The following KPNA4 variants were observed in gnomAD, a reference collection of about 807,000 sequenced individuals.
The protein encoded by KPNA4 is karyopherin subunit alpha 4.
In KPNA4, 13 loss-of-function variants were observed where a neutral mutation model predicts 71.3. The ratio of observed to expected loss-of-function variants is 0.18; its 90% CI spans 0.12 to 0.29. The LOEUF (loss-of-function observed/expected upper bound fraction) is 0.29. KPNA4 is among the 10% of genes least tolerant of loss of function. KPNA4 has a pLI of 1.00. For missense variants in KPNA4, 334 were observed against 603.2 expected, an observed-to-expected ratio of 0.55 and a Z score of 4.67; for synonymous variants, 189 against 195.2, an observed-to-expected ratio of 0.97 and a Z score of 0.26.
rs1162877830 is a variant in KPNA4, at chr3:160,498,993, C to G, written c.*3111G>C. 1 of 152,154 alleles carries G rather than the reference C, an allele frequency of 6.6e-6. No homozygotes were observed. Among genetic ancestry groups the G allele is most frequent in the Admixed American group, 6.6e-5 (1 of 15,262 alleles). 9.4% of individuals were successfully genotyped at this position (152,154 alleles called of 1,614,324 possible). The stretch of plus-strand genomic sequence containing the variant: ...CCAAAAAGGGTGCCCCCATAAATTA[C>G]TGTTACAATAAACCCAGTCATTTTA... On this transcript the variant is annotated 3_prime_UTR_variant, in exon 17 of 17. Transcript: ENST00000334256.
At chr3:160,516,938 A>G (rs1210211552) in intron 11 of KPNA4, among the ~76,000 whole-genome samples, 2 of 152,048 alleles carry the variant, frequency 1.3e-5, no homozygotes, top group Non-Finnish European at 2.9e-5. Context: ...TCCTTTCTAC[A>G]TGACAAATGA....
chr3:160,543,514 G>A (rs887335462), intron 1 of KPNA4, among the ~76,000 whole-genome samples: 3 of 151,954 alleles, frequency 2.0e-5, no homozygotes, highest in African/African-American at 7.3e-5. Flanking sequence ...TGTATTTTTG[G>A]CAGAGACAGG....
chr3:160,564,992 G>C (rs1287616158), intron 1 of KPNA4, among the ~76,000 whole-genome samples: 1 of 149,080 alleles, frequency 6.7e-6, no homozygotes, highest in African/African-American at 2.4e-5. Context: ...GGCCTAGGCC[G>C]CGCCGGCCGT....
At position 160,497,074 on chromosome 3, in the gene KPNA4, C is replaced by T. The variant is rs965006915; in HGVS notation, c.*5030G>A. ...CAGTCCAAATTTGCTTCTGATCACACTAGAATAGTTTTACCAATGTTCATT... is the reference window on the plus strand; with the variant it reads ...CAGTCCAAATTTGCTTCTGATCACATTAGAATAGTTTTACCAATGTTCATT... On this transcript the variant is annotated 3_prime_UTR_variant, in exon 17 of 17. Coordinates refer to ENST00000334256, the MANE Select transcript of KPNA4 (RefSeq NM_002268.5). The T allele has an allele frequency of 6.6e-6, 1 of 152,184 alleles. No individual in the cohort carries two copies. The highest frequency in any genetic ancestry group is 1.5e-5 in the Non-Finnish European group (1 of 68,032). The allele number at this position is 152,184 out of a possible 1,614,324, so 9.4% of individuals were successfully genotyped here.
intron 1 of KPNA4, among the ~76,000 whole-genome samples, chr3:160,544,361 T>A (rs193110938): frequency 6.6e-6 from 1 of 152,210 alleles, no homozygotes; most frequent in East Asian, 1.9e-4. Flanking sequence ...GAATCACTTA[T>A]AGAAGGCGAC....
intron 1 of KPNA4, among the ~76,000 whole-genome samples, chr3:160,537,791 T>C (rs1015780288): frequency 6.6e-6 from 1 of 151,766 alleles, no homozygotes; most frequent in Non-Finnish European, 1.5e-5. Context: ...TCTCTCACAT[T>C]ACATATTCAA....
At chr3:160,505,597 A>G (rs779808650) in intron 15 of KPNA4, among the ~76,000 whole-genome samples, 20 of 152,214 alleles carry the variant, frequency 1.3e-4, no homozygotes, top group Non-Finnish European at 2.1e-4. Context: ...ATTAAAAAGT[A>G]TATACTTAAC....
rs1720793185 is a variant in KPNA4 at position 160,497,655 on chromosome 3, A to G, written c.*4449T>C. On this transcript the variant is annotated 3_prime_UTR_variant, in exon 17 of 17. Coordinates refer to ENST00000334256, the MANE Select transcript of KPNA4 (RefSeq NM_002268.5). Reference sequence around the variant, plus strand: ...GGGCAAAATTTTTTCCTCCCATAATATTAAATTATTGGCTGACAGTTAATG... The same window carrying G: ...GGGCAAAATTTTTTCCTCCCATAATGTTAAATTATTGGCTGACAGTTAATG... The G allele has an allele frequency of 6.6e-6, 1 of 152,194 alleles. No homozygotes were observed. The highest frequency in any genetic ancestry group is 1.5e-5 in the Non-Finnish European group (1 of 68,034). 9.4% of individuals were successfully genotyped at this position (152,194 alleles called of 1,614,324 possible). A position where few individuals can be genotyped will look rare whatever the true frequency, so the allele number is the denominator to read the frequency against.
intron 15 of KPNA4, among the ~76,000 whole-genome samples, chr3:160,505,486 T>C (rs1400271997): frequency 6.6e-6 from 1 of 152,334 alleles, no homozygotes; most frequent in African/African-American, 2.4e-5. Flanking sequence ...TTAAGATACC[T>C]GTTAAGTTTA....
rs1329493791 is a variant in KPNA4, at chr3:160,498,784, G to C, written c.*3320C>G. The C allele has an allele frequency of 6.6e-6, 1 of 152,136 alleles. No homozygotes were observed. The highest frequency in any genetic ancestry group is 1.5e-5 in the Non-Finnish European group (1 of 68,018). The allele number at this position is 152,136 out of a possible 1,614,324, so 9.4% of individuals were successfully genotyped here. On this transcript the variant is annotated 3_prime_UTR_variant, in exon 17 of 17. Transcript: ENST00000334256. ...TGACACCTTTATTGCAGCCTTGTGA[G>C]ACCCTGAGCAGAAAACCTAACTACA...
chr3:160,543,246 A>G (rs1014514345), intron 1 of KPNA4, among the ~76,000 whole-genome samples: 1 of 152,160 alleles, frequency 6.6e-6, no homozygotes, highest in African/African-American at 2.4e-5. Flanking sequence ...ACCTTTAATG[A>G]AATCATAGGC....
rs1232731415 is a variant in KPNA4, at chr3:160,565,496, A to G, written c.-214T>C. On this transcript the variant is annotated 5_prime_UTR_variant, in exon 1 of 17. Coordinates refer to ENST00000334256, the MANE Select transcript of KPNA4 (RefSeq NM_002268.5). ...CCCCAGCGCGACTGCAGCTCCGGCA[A>G]AGACAACTGTGGGGCCGGGCGGCGG... is the stretch of plus-strand genomic sequence containing the variant. 5 of 556,626 alleles carry G rather than the reference A, an allele frequency of 9.0e-6. No individual in the cohort carries two copies. The highest frequency in any genetic ancestry group is 3.2e-5 in the East Asian group (1 of 30,944). 34.5% of individuals were successfully genotyped at this position (556,626 alleles called of 1,614,324 possible). A position where few individuals can be genotyped will look rare whatever the true frequency, so the allele number is the denominator to read the frequency against.
chr3:160,497,869 G>C lies in KPNA4; in HGVS notation c.*4235C>G, dbSNP rs1425601206. On this transcript the variant is annotated 3_prime_UTR_variant, in exon 17 of 17. Coordinates refer to ENST00000334256, the MANE Select transcript of KPNA4 (RefSeq NM_002268.5). ...ATAGTTCACTTTAATAGCTACAATG[G>C]AAGATTCAATTTTGGAAACTCAAAA... is the stretch of plus-strand genomic sequence containing the variant. The C allele has an allele frequency of 2.0e-5, 3 of 152,056 alleles. No homozygotes were observed. Among genetic ancestry groups the C allele is most frequent in the Non-Finnish European group, 2.9e-5 (2 of 67,990 alleles). 9.4% of individuals were successfully genotyped at this position (152,056 alleles called of 1,614,324 possible).
rs201248534 is a variant in KPNA4 at position 160,508,316 on chromosome 3, G to C, written c.1210-47C>G. On this transcript the variant is annotated intron_variant, in intron 14 of 16. Coordinates refer to ENST00000334256, the MANE Select transcript of KPNA4 (RefSeq NM_002268.5). ...AAATAATGCAATATAGGTAAACTTT[G>C]TGTGCCATGTTATCTCACTGGAATA... 239 of 1,351,524 alleles carry C rather than the reference G, an allele frequency of 1.8e-4. 1 individual carries two copies. In the African/African-American group the frequency reaches 3.3e-3, roughly 19 times the overall value. The allele number at this position is 1,351,524 out of a possible 1,614,324, so 83.7% of individuals were successfully genotyped here.
At chr3:160,509,994 A>G in intron 13 of KPNA4, 123 bp from the exon 14 acceptor site, 1 of 683,060 alleles carries the variant, frequency 1.5e-6, no homozygotes. Flanking sequence ...TTCTGTATAT[A>G]TCATTTTTTC....
intron 1 of KPNA4, among the ~76,000 whole-genome samples, chr3:160,539,857 A>G (rs1448148866): frequency 6.6e-6 from 1 of 152,166 alleles, no homozygotes; most frequent in Non-Finnish European, 1.5e-5. Context: ...TTTTCATTAG[A>G]GCATACTATT....
chr3:160,547,447 G>A lies in KPNA4; in HGVS notation c.70-10607C>T, dbSNP rs1244743606. Among the ~76,000 whole-genome samples, 17 of 152,064 alleles carry A rather than the reference G, an allele frequency of 1.1e-4. 1 individual carries two copies. On this transcript the variant is annotated intron_variant, in intron 1 of 16. Coordinates refer to ENST00000334256, the MANE Select transcript of KPNA4 (RefSeq NM_002268.5). ...TTTTCAAGCAGTTTTAGGTTTACAG[G>A]AAAACAGTAAAAAGTACAGACAGTT... is the stretch of plus-strand genomic sequence containing the variant.
intron 1 of KPNA4, among the ~76,000 whole-genome samples, chr3:160,562,340 T>G (rs1722259415): frequency 6.6e-6 from 1 of 152,088 alleles, no homozygotes; most frequent in African/African-American, 2.4e-5. Flanking sequence ...TTAAATTCAC[T>G]GGTCCATACT....
chr3:160,498,170 A>T lies in KPNA4; in HGVS notation c.*3934T>A, dbSNP rs1043146081. The T allele has an allele frequency of 3.3e-5, 5 of 152,138 alleles. No homozygotes were observed. The highest frequency in any genetic ancestry group is 7.3e-5 in the Non-Finnish European group (5 of 68,032). 9.4% of individuals were successfully genotyped at this position (152,138 alleles called of 1,614,324 possible). A position where few individuals can be genotyped will look rare whatever the true frequency, so the allele number is the denominator to read the frequency against. The stretch of plus-strand genomic sequence containing the variant: ...AAGGGAAGGGTTGGGACAGACTGTA[A>T]TTCATGGACTCTTATGAATCCCCTA... On this transcript the variant is annotated 3_prime_UTR_variant, in exon 17 of 17. Coordinates refer to ENST00000334256, the MANE Select transcript of KPNA4 (RefSeq NM_002268.5).
Sources: gnomAD v4.1 joint callset for allele counts (sites outside exome capture counted in the v4.1 genomes callset) on GRCh38, gnomAD v4.1.1 for gene constraint, MANE v1.5 for transcripts, NCBI Gene and HGNC (gene_info 2026-07-23, HGNC 2026-07-21) for gene names.